PITPNC1: variants seen among roughly 807,000 people sequenced by gnomAD.
PITPNC1 encodes cytoplasmic phosphatidylinositol transfer protein 1.
In PITPNC1, 18 loss-of-function variants were observed where a neutral mutation model predicts 44.7. The observed-to-expected ratio is 0.40, with a 90% CI of 0.28 to 0.60. The LOEUF is 0.60. Ranked by LOEUF, PITPNC1 falls within the 20% of genes least tolerant of loss-of-function variation. PITPNC1 has a pLI of 0.39. For missense variants in PITPNC1, 290 were observed against 418.4 expected, an observed-to-expected ratio of 0.69 and a Z score of 2.68; for synonymous variants, 141 against 149.6, an observed-to-expected ratio of 0.94 and a Z score of 0.42.
chr17:67,592,815 T>A (rs1170617218), intron 5 of PITPNC1, among the ~76,000 whole-genome samples: 1 of 152,208 alleles, frequency 6.6e-6, no homozygotes, highest in Non-Finnish European at 1.5e-5. Flanking sequence ...GGCAAGAGGA[T>A]CACTTGAGTC....
At chr17:67,602,699 G>T (rs534774425) in intron 5 of PITPNC1, among the ~76,000 whole-genome samples, 1 of 152,274 alleles carries the variant, frequency 6.6e-6, no homozygotes, top group Non-Finnish European at 1.5e-5. Flanking sequence ...CCCTGGAAAA[G>T]TGCCACTCAT....
At chr17:67,419,891 G>A (rs2143863077) in intron 1 of PITPNC1, among the ~76,000 whole-genome samples, 1 of 151,648 alleles carries the variant, frequency 6.6e-6, no homozygotes, top group East Asian at 1.9e-4. Context: ...GAGTGAGGCT[G>A]GAGACCCAGA....
chr17:67,665,791 C>T (rs1418850466), intron 6 of PITPNC1, among the ~76,000 whole-genome samples: 2 of 152,062 alleles, frequency 1.3e-5, no homozygotes, highest in Non-Finnish European at 2.9e-5. Context: ...AAAGGAGGAG[C>T]CCTCATTCTG....
rs760456677 is a variant in PITPNC1, at chr17:67,692,871, C to T, written c.982C>T (p.Arg328Trp). The change falls in exon 9 of 9, where the codon CGG becomes TGG. Residue 328 changes from arginine (R) to tryptophan (W), a missense_variant. Physicochemically the swap from Arg to Trp is moderately radical, Grantham distance 101. Coordinates refer to ENST00000581322, the MANE Select transcript of PITPNC1 (RefSeq NM_012417.4). ...CATGCACTCTTCAGATAAGCCATGT[C>T]GGCCCAAATCTGAGTAACTTTATAT... The part of the protein sequence containing the change: ...PGMHSSDKPC[R>W]PKSE 6.9e-6 allele frequency: 11 copies of T among 1,596,058 alleles called. No individual in the cohort carries two copies. Among genetic ancestry groups the T allele is most frequent in the Middle Eastern group, 1.7e-4 (1 of 6,010 alleles).
chr17:67,396,701 G>C (rs2038225397), intron 1 of PITPNC1, among the ~76,000 whole-genome samples: 1 of 151,928 alleles, frequency 6.6e-6, no homozygotes, highest in African/African-American at 2.4e-5. Flanking sequence ...GGGTCTCTCT[G>C]TTGCCCAGAC....
chr17:67,503,748 C>G (rs2040066270), intron 1 of PITPNC1, among the ~76,000 whole-genome samples: 1 of 151,976 alleles, frequency 6.6e-6, no homozygotes, highest in Non-Finnish European at 1.5e-5. Flanking sequence ...TTTGATGGGC[C>G]TGAAGAACAT....
At chr17:67,464,874 G>T (rs1241377938) in intron 1 of PITPNC1, among the ~76,000 whole-genome samples, 1 of 151,942 alleles carries the variant, frequency 6.6e-6, no homozygotes, top group Non-Finnish European at 1.5e-5. Context: ...TGAGTAGCTG[G>T]GACTACAGGC....
intron 2 of PITPNC1, among the ~76,000 whole-genome samples, chr17:67,545,924 T>C (rs1448336023): frequency 1.3e-5 from 2 of 151,856 alleles, no homozygotes; most frequent in East Asian, 1.9e-4. Context: ...AAGAACAGTA[T>C]ATTGGCCAGG....
intron 6 of PITPNC1, among the ~76,000 whole-genome samples, chr17:67,653,543 G>T (rs1344777050): frequency 6.6e-6 from 1 of 152,100 alleles, no homozygotes; most frequent in African/African-American, 2.4e-5. Flanking sequence ...TTATCTTTTT[G>T]TTGTTGTTGT....
Position 67,527,014 on chromosome 17 carries a change from G to A in PITPNC1, c.49-5788G>A, listed in dbSNP as rs1016047538. 4.9e-4 allele frequency among the ~76,000 whole-genome samples: 56 copies of A among 113,806 alleles called. 1 individual carries two copies. The highest frequency in any genetic ancestry group is 1.6e-3 in the African/African-American group (54 of 34,538). 74.7% of individuals were successfully genotyped at this position (113,806 alleles called of 152,430 possible). ...GTCTCTAGTCATGATTGCCTGTAAT[G>A]ATGATTACCCAAACTCTGGAATTAT... On this transcript the variant is annotated intron_variant, in intron 1 of 8. Coordinates refer to ENST00000581322, the MANE Select transcript of PITPNC1 (RefSeq NM_012417.4).
chr17:67,582,488 A>G lies in PITPNC1; in HGVS notation c.366+4231A>G, dbSNP rs144045972. On this transcript the variant is annotated intron_variant, in intron 5 of 8. Coordinates refer to ENST00000581322, the MANE Select transcript of PITPNC1 (RefSeq NM_012417.4). Reference sequence around the variant, plus strand: ...ATAATTAAATTGAAAGAGGCTGCTGATAGTCATATTGATGATAGTGGTTGA... The same window carrying G: ...ATAATTAAATTGAAAGAGGCTGCTGGTAGTCATATTGATGATAGTGGTTGA... 4.8e-3 allele frequency among the ~76,000 whole-genome samples: 728 copies of G among 152,240 alleles called. 7 individuals are homozygous for G. Among genetic ancestry groups the G allele is most frequent in the African/African-American group, 0.016 (677 of 41,542 alleles).
At chr17:67,650,992 C>CCTG (rs1362849920) in intron 6 of PITPNC1, among the ~76,000 whole-genome samples, 4 of 152,174 alleles carry the variant, frequency 2.6e-5, no homozygotes, top group Non-Finnish European at 5.9e-5. Flanking sequence ...ACAAACCGCT[C>CCTG]AGGGTTTGCG....
At chr17:67,460,538 C>A in intron 1 of PITPNC1, among the ~76,000 whole-genome samples, 1 of 152,104 alleles carries the variant, frequency 6.6e-6, no homozygotes, top group African/African-American at 2.4e-5. Context: ...ATTCTCCTGC[C>A]TCAGCCTCCC....
intron 1 of PITPNC1, among the ~76,000 whole-genome samples, chr17:67,420,584 AC>A (rs1183286436): frequency 6.6e-6 from 1 of 150,902 alleles, no homozygotes; most frequent in African/African-American, 2.4e-5. Context: ...GTCATCCACC[AC>A]CACGCCTGGC....
At chr17:67,495,989 C>T (rs896085239) in intron 1 of PITPNC1, among the ~76,000 whole-genome samples, 5 of 152,138 alleles carry the variant, frequency 3.3e-5, no homozygotes, top group Non-Finnish European at 5.9e-5. Flanking sequence ...CTGTATTTGA[C>T]CATTTTTTAT....
intron 1 of PITPNC1, among the ~76,000 whole-genome samples, chr17:67,396,464 A>G (rs1407835046): frequency 1.3e-5 from 2 of 150,712 alleles, no homozygotes; most frequent in East Asian, 4.0e-4. Context: ...CTCTGCCCTC[A>G]GGTTCAAGCA....
At chr17:67,556,819 C>T (rs200299042) in intron 4 of PITPNC1, among the ~76,000 whole-genome samples, 4 of 152,072 alleles carry the variant, frequency 2.6e-5, no homozygotes, top group Admixed American at 6.5e-5. Context: ...AGGCAGAGTT[C>T]GGGAAAATTA....
intron 5 of PITPNC1, among the ~76,000 whole-genome samples, chr17:67,629,266 G>GTGTGTGT (rs1555574240): frequency 5.3e-5 from 8 of 150,274 alleles, no homozygotes; most frequent in Non-Finnish European, 8.9e-5. Context: ...GTGTGTGTGT[G>GTGTGTGT]GTTTTTGTTG....
At chr17:67,379,297 G>C in intron 1 of PITPNC1, 1 of 985,200 alleles carries the variant, frequency 1.0e-6, no homozygotes, top group Non-Finnish European at 1.2e-6. Context: ...TTGGTGAGAG[G>C]GGCGATGTGC....
Sources: allele counts gnomAD v4.1 joint callset (sites outside exome capture counted in the v4.1 genomes callset), GRCh38; gene constraint gnomAD v4.1.1; transcripts MANE v1.5; gene names NCBI Gene and HGNC (gene_info 2026-07-23, HGNC 2026-07-21).